The following WWOX variants were observed in gnomAD, a reference collection of about 807,000 sequenced individuals.
WWOX encodes the protein WW domain containing oxidoreductase, also known as WW domain-containing oxidoreductase.
Under a neutral mutation model 46.2 loss-of-function variants are expected in WWOX, and 69 were observed. The observed-to-expected ratio is 1.49, with a 90% confidence interval of 1.23 to 1.82. The LOEUF (loss-of-function observed/expected upper bound fraction) is 1.82, where lower values mean the gene tolerates loss of function less well. Ranked by LOEUF, WWOX falls within the 40% of genes most tolerant of loss-of-function variation. The pLI, the probability that WWOX is intolerant of heterozygous loss-of-function variation, is 0.00. For missense variants in WWOX, 919 were observed against 542.6 expected, an observed-to-expected ratio of 1.69 and a Z score of -6.89; for synonymous variants, 359 against 202.6, an observed-to-expected ratio of 1.77 and a Z score of -6.56.
At chr16:78,947,831 A>G (rs1007836514) in intron 8 of WWOX, among the ~76,000 whole-genome samples, 4 of 152,212 alleles carry the variant, frequency 2.6e-5, no homozygotes, top group Non-Finnish European at 5.9e-5. Context: ...TGTATAGGAG[A>G]AGCTCCAAAA....
At chr16:78,434,318 ACC>A in intron 8 of WWOX, among the ~76,000 whole-genome samples, 1 of 152,226 alleles carries the variant, frequency 6.6e-6, no homozygotes, top group African/African-American at 2.4e-5. Context: ...AATGAAACTT[ACC>A]TGTAGGTGGA....
At chr16:79,134,931 G>A (rs2049954369) in intron 8 of WWOX, among the ~76,000 whole-genome samples, 2 of 152,166 alleles carry the variant, frequency 1.3e-5, no homozygotes, top group South Asian at 4.1e-4. Flanking sequence ...CCAATAATGA[G>A]TTCCAAACAG....
chr16:78,309,067 T>C (rs1458370743), intron 5 of WWOX, among the ~76,000 whole-genome samples: 1 of 152,154 alleles, frequency 6.6e-6, no homozygotes, highest in African/African-American at 2.4e-5. Context: ...TTAATAACTC[T>C]TGTAACCAAT....
At chr16:79,129,015 AAAC>A (rs2049819823) in intron 8 of WWOX, among the ~76,000 whole-genome samples, 1 of 152,184 alleles carries the variant, frequency 6.6e-6, no homozygotes, top group African/African-American at 2.4e-5. Flanking sequence ...ATTTGCTGGT[AAAC>A]AACAGTCCAA....
rs777030874 is a variant in WWOX, at chr16:78,432,772, C to A, written c.1056+20C>A. On this transcript the variant is annotated intron_variant, in intron 8 of 8. Coordinates refer to ENST00000566780, the MANE Select transcript of WWOX (RefSeq NM_016373.4). ...TCCATGGTAAGAGAACAGCTTCTGG[C>A]GCCGCAAACACCTTGGGTCCTAGAG... The A allele has an allele frequency of 1.9e-6, 3 of 1,613,958 alleles. No individual in the cohort carries two copies. Among genetic ancestry groups the A allele is most frequent in the Non-Finnish European group, 2.5e-6 (3 of 1,179,998 alleles).
At chr16:78,561,562 A>G (rs2044435897) in intron 8 of WWOX, among the ~76,000 whole-genome samples, 1 of 152,106 alleles carries the variant, frequency 6.6e-6, no homozygotes, top group Admixed American at 6.5e-5. Context: ...CCAATTTAGA[A>G]TTTTATGTAT....
At chr16:78,273,007 T>A (rs1244350861) in intron 5 of WWOX, among the ~76,000 whole-genome samples, 1 of 152,128 alleles carries the variant, frequency 6.6e-6, no homozygotes, top group Admixed American at 6.5e-5. Context: ...GATTTTTGTT[T>A]GTTTATTTGT....
chr16:78,145,447 G>T (rs1281976611), intron 4 of WWOX, among the ~76,000 whole-genome samples: 1 of 152,118 alleles, frequency 6.6e-6, no homozygotes, highest in Non-Finnish European at 1.5e-5. Flanking sequence ...CGATGTTCCA[G>T]GGCAGGAAGG....
At chr16:78,141,777 C>T (rs965465746) in intron 4 of WWOX, among the ~76,000 whole-genome samples, 3 of 151,736 alleles carry the variant, frequency 2.0e-5, no homozygotes, top group African/African-American at 7.3e-5. Flanking sequence ...AGAAATTTAT[C>T]AGTGTGTAAT....
At chr16:78,924,135 A>G (rs891646031) in intron 8 of WWOX, among the ~76,000 whole-genome samples, 2 of 152,126 alleles carry the variant, frequency 1.3e-5, no homozygotes, top group East Asian at 3.9e-4. Context: ...CTATTAATCC[A>G]TAGACAAGGC....
chr16:78,959,561 A>T (rs901652283), intron 8 of WWOX, among the ~76,000 whole-genome samples: 4 of 152,120 alleles, frequency 2.6e-5, no homozygotes, highest in African/African-American at 9.7e-5. Flanking sequence ...TCATCCATCT[A>T]TCCATCCATC....
intron 8 of WWOX, chr16:78,826,152 C>CA: frequency 3.8e-6 from 1 of 261,452 alleles, no homozygotes; most frequent in Non-Finnish European, 7.1e-6. Flanking sequence ...GTCAAGAGTT[C>CA]AAGACCAGTC....
intron 7 of WWOX, among the ~76,000 whole-genome samples, chr16:78,428,532 G>C (rs1215285867): frequency 6.6e-6 from 1 of 152,204 alleles, no homozygotes; most frequent in Non-Finnish European, 1.5e-5. Context: ...TCTCCATCTT[G>C]AAACTGTCCT....
chr16:79,010,299 G>A (rs533344812), intron 8 of WWOX, among the ~76,000 whole-genome samples: 1 of 152,202 alleles, frequency 6.6e-6, no homozygotes, highest in East Asian at 1.9e-4. Context: ...ACATTAGAGA[G>A]TGGCGTGTGC....
chr16:78,268,409 G>C (rs2079410584), intron 5 of WWOX, among the ~76,000 whole-genome samples: 1 of 152,070 alleles, frequency 6.6e-6, no homozygotes, highest in South Asian at 2.1e-4. Flanking sequence ...GCCATACTGA[G>C]ATCCTGGTGT....
chr16:78,201,005 C>T (rs887936290), intron 5 of WWOX, among the ~76,000 whole-genome samples: 23 of 152,198 alleles, frequency 1.5e-4, no homozygotes, highest in African/African-American at 5.5e-4. Flanking sequence ...TCTTTACTCT[C>T]ATGGAAGCAG....
chr16:79,036,672 G>T (rs1028150884), intron 8 of WWOX, among the ~76,000 whole-genome samples: 5 of 152,214 alleles, frequency 3.3e-5, no homozygotes, highest in Non-Finnish European at 5.9e-5. Context: ...GAAGGACTGT[G>T]AGGCTGTACC....
At chr16:78,278,841 A>G (rs2151852840) in intron 5 of WWOX, 1 of 606,170 alleles carries the variant, frequency 1.6e-6, no homozygotes, top group East Asian at 3.0e-5. Context: ...ATGCTTTACG[A>G]CTCTTCAGGT....
intron 8 of WWOX, among the ~76,000 whole-genome samples, chr16:78,857,021 T>C (rs987216718): frequency 6.6e-6 from 1 of 152,188 alleles, no homozygotes; most frequent in Non-Finnish European, 1.5e-5. Context: ...TATTTGCATA[T>C]ACAAACATAG....
Sources: gnomAD v4.1 joint callset for allele counts (sites outside exome capture counted in the v4.1 genomes callset) on GRCh38, gnomAD v4.1.1 for gene constraint, MANE v1.5 for transcripts, NCBI Gene and HGNC (gene_info 2026-07-23, HGNC 2026-07-21) for gene names.